Variants in NISCH observed in about 807,000 individuals in gnomAD.
NISCH encodes I-1 receptor candidate protein.
In NISCH, 55 loss-of-function variants were observed where a neutral mutation model predicts 138.4. The observed-to-expected ratio is 0.40, with a 90% CI of 0.32 to 0.50. The LOEUF (loss-of-function observed/expected upper bound fraction) is 0.50, where lower values mean the gene tolerates loss of function less well. NISCH is among the 20% of genes least tolerant of loss of function. The pLI is 0.71. For synonymous variants in NISCH, 860 were observed against 861.5 expected (o/e 1.00, Z 0.03); for missense variants, 1,643 against 2,005.5 (o/e 0.82, Z 3.45).
chr3:52,490,625 TC>T (rs1421359753), intron 18 of NISCH, 79 bp from the exon 19 acceptor site: 1 of 1,594,188 alleles, frequency 6.3e-7, no homozygotes, highest in African/African-American at 1.3e-5. Context: ...GAGGACCTGT[TC>T]CTGCTGGATG....
chr3:52,480,103 C>T (rs990948741), intron 12 of NISCH, 81 bp from the exon 13 acceptor site: 35 of 1,499,308 alleles, frequency 2.3e-5, no homozygotes, highest in Non-Finnish European at 3.1e-5. Context: ...GGAACCGTTG[C>T]GCTCCCTCCT....
chr3:52,483,470 G>C (rs906154284), intron 13 of NISCH, among the ~76,000 whole-genome samples: 2 of 152,230 alleles, frequency 1.3e-5, no homozygotes, highest in African/African-American at 4.8e-5. Flanking sequence ...ACCTTCAAGT[G>C]GTCTAGAGGT....
At chr3:52,482,335 C>A (rs1274491586) in intron 13 of NISCH, among the ~76,000 whole-genome samples, 1 of 152,190 alleles carries the variant, frequency 6.6e-6, no homozygotes, top group Non-Finnish European at 1.5e-5. Flanking sequence ...CCAGACAACA[C>A]CCAGCCTCCC....
In NISCH at chr3:52,487,577, C is replaced by A; in HGVS notation, c.2085C>A (p.Gly695=). The A allele has an allele frequency of 6.2e-7, 1 of 1,612,896 alleles. No individual in the cohort carries two copies. The highest frequency in any genetic ancestry group is 8.5e-7 in the Non-Finnish European group (1 of 1,179,208). ...GCCTGGCTCTGGAATGGGCCCTGGG[C>A]GCGGACGAGGACTTCCTGCTGGAGC... ...EERLALEWAL[G]ADEDFLLEHI... Residue 695 remains glycine (G), a synonymous_variant, in exon 16 of 21, where the codon GGC becomes GGA. Coordinates refer to ENST00000345716, the MANE Select transcript of NISCH (RefSeq NM_007184.4). This position sits in a 1 kb window ranked among gnomAD's most constrained non-coding sequence, Gnocchi z 9.1.
chr3:52,489,176 G>A (rs558449364), intron 16 of NISCH, among the ~76,000 whole-genome samples, 160 bp from the exon 17 acceptor site: 18 of 152,306 alleles, frequency 1.2e-4, no homozygotes, highest in African/African-American at 2.2e-4. Context: ...CACCGTGCCC[G>A]GCCGTGCTGT....
chr3:52,481,534 C>T, intron 13 of NISCH: 1 of 985,474 alleles, frequency 1.0e-6, no homozygotes, highest in Non-Finnish European at 1.2e-6. Context: ...TGTAGCGCAG[C>T]CAAGCGAGCC....
chr3:52,477,941 G>C, intron 9 of NISCH, 156 bp from the exon 10 acceptor site: 1 of 803,354 alleles, frequency 1.2e-6, no homozygotes, highest in Non-Finnish European at 2.0e-6. Context: ...GGCATGTGCG[G>C]CAGAGAAGAG....
At chr3:52,481,068 G>A (rs1019443630) in intron 13 of NISCH, 64 of 1,314,632 alleles carry the variant, frequency 4.9e-5, no homozygotes, top group East Asian at 8.9e-5. Flanking sequence ...AGTTCAACCC[G>A]ATGTTTTAAG....
chr3:52,460,405 T>A (rs1032738525), intron 3 of NISCH, among the ~76,000 whole-genome samples: 1 of 149,538 alleles, frequency 6.7e-6, no homozygotes, highest in Non-Finnish European at 1.5e-5. Flanking sequence ...GTACTATTTT[T>A]TTTTTTTTTT....
chr3:52,485,941 C>G, intron 15 of NISCH, 114 bp downstream of exon 15: 1 of 902,390 alleles, frequency 1.1e-6, no homozygotes, highest in South Asian at 1.5e-5. Context: ...TCACAGAAGG[C>G]CTATAGAACT....
At chr3:52,467,278 G>A (rs1466691071) in intron 3 of NISCH, among the ~76,000 whole-genome samples, 1 of 152,074 alleles carries the variant, frequency 6.6e-6, no homozygotes, top group Non-Finnish European at 1.5e-5. Context: ...TGGGATGATG[G>A]GTGAGCCATG....
At chr3:52,485,927 C>A in intron 15 of NISCH, 100 bp downstream of exon 15, 2 of 1,127,578 alleles carry the variant, frequency 1.8e-6, no homozygotes, top group Non-Finnish European at 1.3e-6. Flanking sequence ...TTTTAAAAAT[C>A]CGTTCACAGA....
chr3:52,482,011 AC>A, intron 13 of NISCH: 1 of 782,194 alleles, frequency 1.3e-6, no homozygotes, highest in Non-Finnish European at 1.6e-6. Flanking sequence ...GCCCTTTCTG[AC>A]CACTTGTTTG....
rs535688434 is a variant in NISCH at position 52,487,396 on chromosome 3, A to C, written c.1904A>C (p.Gln635Pro). 6.2e-7 allele frequency: 1 copy of C among 1,613,716 alleles called. No individual in the cohort carries two copies. Among genetic ancestry groups the C allele is most frequent in the Non-Finnish European group, 8.5e-7 (1 of 1,179,772 alleles). ...CAGCGGGAGGAGGGCCAGGGTGAAC[A>C]GGGCGAGGAGGAGGATGAGGAGGAG... is the stretch of plus-strand genomic sequence containing the variant. ...ANQREEGQGE[Q>P]GEEEDEEEEE... The change falls in exon 16 of 21, where the codon CAG becomes CCG. Residue 635 changes from glutamine to proline, a missense_variant. Coordinates refer to ENST00000345716, the MANE Select transcript of NISCH (RefSeq NM_007184.4). The surrounding 1 kb of genome is among the most constrained non-coding windows in gnomAD (Gnocchi z 9.1).
At chr3:52,483,998 A>C (rs1309709512) in intron 13 of NISCH, among the ~76,000 whole-genome samples, 2 of 152,192 alleles carry the variant, frequency 1.3e-5, no homozygotes, top group Non-Finnish European at 2.9e-5. Flanking sequence ...TTCTTTGTGT[A>C]CTTCTGAGAG....
rs756824984 is a variant in NISCH, at chr3:52,471,937, G to C, written c.533G>C (p.Gly178Ala). The change falls in exon 5 of 21, where the codon GGG (glycine) becomes GCG (alanine). Residue 178 changes from glycine (G) to alanine (A), a missense_variant. Physicochemically the swap from Gly to Ala is moderately conservative, Grantham distance 60 (BLOSUM62 0). Transcript: ENST00000345716. ...AGTGGGGATGCCAAGACCGACCTCG[G>C]GCACATCCTGGACTTCACCTGTCGC... Reference protein sequence around the residue: ...CASGDAKTDLGHILDFTCRLK... With the variant: ...CASGDAKTDLAHILDFTCRLK... 1.2e-6 allele frequency: 2 copies of C among 1,610,256 alleles called. No individual in the cohort carries two copies. The highest frequency in any genetic ancestry group is 1.7e-5 in the Admixed American group (1 of 59,782).
intron 10 of NISCH, 53 bp downstream of exon 10, chr3:52,478,335 T>C: frequency 6.2e-7 from 1 of 1,607,290 alleles, no homozygotes; most frequent in Non-Finnish European, 8.5e-7. Flanking sequence ...GTGTGTATCA[T>C]GTTAAAGAAG....
Position 52,488,063 on chromosome 3 carries a change from C to T in NISCH, c.2571C>T (p.Pro857=), listed in dbSNP as rs374253267. Residue 857 remains proline, a synonymous_variant, in exon 16 of 21, where the codon CCC becomes CCT. Transcript: ENST00000345716. ...GCQERSQGCF[P]VYLVYSDKRM... ...AGGAGCGCAGCCAGGGCTGCTTCCC[C>T]GTCTACCTGGTCTACAGTGACAAGC... The T allele has an allele frequency of 1.7e-5, 27 of 1,612,634 alleles. No individual in the cohort carries two copies. The highest frequency in any genetic ancestry group is 6.6e-5 in the South Asian group (6 of 91,074).
chr3:52,472,442 A>G (rs754585273), intron 6 of NISCH, 44 bp downstream of exon 6: 1 of 1,507,916 alleles, frequency 6.6e-7, no homozygotes, highest in Admixed American at 1.7e-5. Flanking sequence ...CCCAACTCAG[A>G]GGCTAGAGAG....
Sources: gnomAD v4.1 joint callset for allele counts (sites outside exome capture counted in the v4.1 genomes callset) on GRCh38, gnomAD v4.1.1 for gene constraint, Gnocchi (gnomAD v3.1) non-coding constraint, MANE v1.5 for transcripts, NCBI Gene and HGNC (gene_info 2026-07-23, HGNC 2026-07-21) for gene names.